Variants in PLCH2 observed in about 807,000 individuals in gnomAD.
PLCH2 encodes phospholipase C eta 2, also known as 1-phosphatidylinositol 4,5-bisphosphate phosphodiesterase eta-2.
In PLCH2, 98 loss-of-function variants were observed where a neutral mutation model predicts 134.7. That is an observed-to-expected ratio of 0.73 (90% CI 0.62 to 0.86). The LOEUF (loss-of-function observed/expected upper bound fraction) is 0.86, where lower values mean the gene tolerates loss of function less well. PLCH2 is among the 40% of genes least tolerant of loss of function. PLCH2 has a pLI of 0.00. For missense variants in PLCH2, 1,994 were observed against 1,986.6 expected (o/e 1.00, Z -0.07); for synonymous variants, 974 against 827.5 (o/e 1.18, Z -3.04).
At chr1:2,425,585 C>T (rs1638751737), upstream of PLCH2, among the ~76,000 whole-genome samples, 1 of 152,180 alleles carries the variant, frequency 6.6e-6, no homozygotes, top group Non-Finnish European at 1.5e-5. Context: ...ATGATCTTGG[C>T]TGACTGCAAT....
rs753599032 is a variant in PLCH2, at chr1:2,502,236, C to T, written c.2786C>T (p.Thr929Met). The part of the protein sequence containing the change: ...PSVSQRILRR[T>M]ASAPTKSQKP... ...GTTAGCCAGCGGATCCTGCGGCGCA[C>T]GGCCAGCGCCCCGACCAAGAGCCAG... The change falls in exon 21 of 22, where the codon ACG (threonine) becomes ATG (methionine). Residue 929 changes from threonine to methionine, a missense_variant. By Grantham distance (81) the Thr-to-Met change is moderately conservative. Coordinates refer to ENST00000378486, the MANE Select transcript of PLCH2 (RefSeq NM_014638.4). 2.6e-5 allele frequency: 40 copies of T among 1,541,172 alleles called. No individual in the cohort carries two copies. The highest frequency in any genetic ancestry group is 5.9e-5 in the Admixed American group (3 of 50,658).
chr1:2,496,687 A>G lies in PLCH2; in HGVS notation c.1916A>G (p.His639Arg). 1 of 1,611,854 alleles carries G rather than the reference A, an allele frequency of 6.2e-7. No homozygotes were observed. Residue 639 changes from histidine to arginine, a missense_variant, in exon 14 of 22, where the codon CAC becomes CGC. This residue lies in a region of PLCH2 where 1,094 missense variants were observed against 1,234.3 expected (regional missense o/e 0.89). Transcript: ENST00000378486. Reference sequence around the variant, plus strand: ...AAGTACACCAAGTCCGTGGCCACCCACGACATAGAGATGGAGGGTGAGTGG... The same window carrying G: ...AAGTACACCAAGTCCGTGGCCACCCGCGACATAGAGATGGAGGGTGAGTGG... ...LVKYTKSVAT[H>R]DIEMEAASSW...
intron 4 of PLCH2, 101 bp from the exon 5 acceptor site, chr1:2,484,347 G>A: frequency 2.6e-6 from 3 of 1,164,010 alleles, no homozygotes; most frequent in South Asian, 1.4e-5. Context: ...GGGTGGGCTT[G>A]CATGTTGGTC....
chr1:2,456,434 TA>T (rs1381932309), intron 2 of PLCH2, among the ~76,000 whole-genome samples: 1 of 152,180 alleles, frequency 6.6e-6, no homozygotes, highest in Admixed American at 6.5e-5. Context: ...CAAAAAGACT[TA>T]AATTGCCCCT....
chr1:2,423,854 TGAG>T (rs1334479020), upstream of PLCH2, among the ~76,000 whole-genome samples: 1 of 152,136 alleles, frequency 6.6e-6, no homozygotes, highest in Non-Finnish European at 1.5e-5. Context: ...GCAACAGTTA[TGAG>T]GAGAGGTCAG....
intron 1 of PLCH2, among the ~76,000 whole-genome samples, chr1:2,426,659 C>T (rs1166240385): frequency 6.6e-6 from 1 of 152,272 alleles, no homozygotes; most frequent in African/African-American, 2.4e-5. Context: ...CCACTCCCTC[C>T]ATGAAGCTGG....
intron 13 of PLCH2, among the ~76,000 whole-genome samples, chr1:2,496,297 C>G (rs893934277): frequency 6.6e-6 from 1 of 152,190 alleles, no homozygotes; most frequent in Non-Finnish European, 1.5e-5. Flanking sequence ...ACCCAGGCCC[C>G]GAGCCCAGCT....
At chr1:2,436,546 C>CCTTTCCT (rs1327311310) in intron 2 of PLCH2, among the ~76,000 whole-genome samples, 5 of 25,620 alleles carry the variant, frequency 2.0e-4, no homozygotes, top group Non-Finnish European at 2.5e-4. Context: ...CCTCCCTCCT[C>CCTTTCCT]CCTTCCTCCC....
In PLCH2 at chr1:2,505,348, T is replaced by C; in HGVS notation, c.*135T>C. On this transcript the variant is annotated 3_prime_UTR_variant, in exon 22 of 22. Transcript: ENST00000378486. ...GCCCTGTGTCCCCTCCACCCCTGCC[T>C]CCCTCCTGCCCCTGCTCCCGGGGAG... The C allele has an allele frequency of 1.5e-6, 1 of 647,820 alleles. No individual in the cohort carries two copies. Among genetic ancestry groups the C allele is most frequent in the Admixed American group, 3.2e-5 (1 of 31,242 alleles). The allele number at this position is 647,820 out of a possible 1,614,324, so 40.1% of individuals were successfully genotyped here. A position where few individuals can be genotyped will look rare whatever the true frequency, so the allele number is the denominator to read the frequency against.
At chr1:2,503,866 C>A (rs903743467) in intron 21 of PLCH2, 56 bp from the exon 22 acceptor site, 3 of 665,040 alleles carry the variant, frequency 4.5e-6, no homozygotes, top group Non-Finnish European at 8.3e-6. Flanking sequence ...CCCTGCCTCC[C>A]TCTCTCTCTT....
intron 19 of PLCH2, 108 bp from the exon 20 acceptor site, chr1:2,499,533 G>C (rs1643094720): frequency 1.2e-6 from 1 of 864,114 alleles, no homozygotes; most frequent in South Asian, 1.4e-5. Flanking sequence ...GCCTGGGCTT[G>C]TTGGGTGTAT....
At chr1:2,459,069 G>A (rs1326417996) in intron 2 of PLCH2, among the ~76,000 whole-genome samples, 2 of 152,256 alleles carry the variant, frequency 1.3e-5, no homozygotes, top group Non-Finnish European at 2.9e-5. Context: ...CCTGCTCCCC[G>A]GTGGCTGGGT....
rs375081434 is a variant in PLCH2, at chr1:2,497,018, C to T, written c.2116+8C>T. 212 of 1,610,518 alleles carry T rather than the reference C, an allele frequency of 1.3e-4. No homozygotes were observed. Among genetic ancestry groups the T allele is most frequent in the South Asian group, 2.1e-4 (19 of 90,748 alleles). On this transcript the variant is annotated splice_region_variant and intron_variant, in intron 15 of 21. Coordinates refer to ENST00000378486, the MANE Select transcript of PLCH2 (RefSeq NM_014638.4). ...ACGCCGGCTGCCAAATGGGTGGGTG[C>T]GGGCATGGTGCGCTGGGTGTGGTGG... is the stretch of plus-strand genomic sequence containing the variant.
Position 2,504,185 on chromosome 1 carries a change from C to T in PLCH2, c.3223C>T (p.Gln1075Ter). 1 of 1,543,150 alleles carries T rather than the reference C, an allele frequency of 6.5e-7. No individual in the cohort carries two copies. The highest frequency in any genetic ancestry group is 8.7e-7 in the Non-Finnish European group (1 of 1,145,518). ...GGCATACGAGAGGGCCCCCGGCAGC[C>T]AGACGGACGGCAGGAGCCAGCCCCG... ...GGAYERAPGS[Q>*]TDGRSQPRTL... The change falls in exon 22 of 22, where the codon CAG (glutamine) becomes TAG (stop). Residue 1075 changes from glutamine to a stop codon, truncating the protein, a stop_gained. Coordinates refer to ENST00000378486, the MANE Select transcript of PLCH2 (RefSeq NM_014638.4). LOFTEE classifies it high-confidence loss of function.
At position 2,504,479 on chromosome 1, in the gene PLCH2, G is replaced by C; in HGVS notation, c.3517G>C (p.Ala1173Pro). ...CCTGGGCCGCAGCCGTGAGAACCTC[G>C]CTGGAGCCCACATGGGACGCCTGCC... is the stretch of plus-strand genomic sequence containing the variant. ...LGLGRSRENL[A>P]GAHMGRLPPR... Residue 1173 changes from alanine (A) to proline (P), a missense_variant, in exon 22 of 22, where the codon GCT (alanine) becomes CCT (proline). Ala to Pro is a conservative substitution (Grantham distance 27, BLOSUM62 -1). This residue lies in a region of PLCH2 where 900 missense variants were observed against 752.3 expected (regional missense o/e 1.20). Coordinates refer to ENST00000378486, the MANE Select transcript of PLCH2 (RefSeq NM_014638.4). The C allele has an allele frequency of 6.2e-7, 1 of 1,612,368 alleles. No homozygotes were observed. The highest frequency in any genetic ancestry group is 1.1e-5 in the South Asian group (1 of 91,074).
intron 5 of PLCH2, 28 bp downstream of exon 5, chr1:2,484,646 G>T: frequency 6.2e-7 from 1 of 1,604,946 alleles, no homozygotes; most frequent in Non-Finnish European, 8.5e-7. Context: ...GGTGTTGGGG[G>T]GCCAGCCATC....
the PLCH2 span, among the ~76,000 whole-genome samples, chr1:2,419,206 C>T: frequency 6.6e-6 from 1 of 152,334 alleles, no homozygotes; most frequent in South Asian, 2.1e-4. Context: ...TCCCAGGCTG[C>T]CGGCCTGGTC....
intron 11 of PLCH2, among the ~76,000 whole-genome samples, chr1:2,491,713 G>A (rs1434419404): frequency 1.3e-5 from 2 of 152,260 alleles, no homozygotes; most frequent in African/African-American, 2.4e-5. Flanking sequence ...GACAGGCAGG[G>A]TGGGCCGGGT....
chr1:2,496,591 C>A lies in PLCH2; in HGVS notation c.1836-16C>A. 2 of 1,601,486 alleles carry A rather than the reference C, an allele frequency of 1.2e-6. No individual in the cohort carries two copies. The highest frequency in any genetic ancestry group is 2.3e-5 in the East Asian group (1 of 44,172). ...CCCTGGACGGGAGGGGTTCTGACCC[C>A]CTGCACCTGCCACAGGGCGACCCGG... On this transcript the variant is annotated splice_polypyrimidine_tract_variant and intron_variant, in intron 13 of 21. Coordinates refer to ENST00000378486, the MANE Select transcript of PLCH2 (RefSeq NM_014638.4).
Sources: allele counts gnomAD v4.1 joint callset (sites outside exome capture counted in the v4.1 genomes callset), GRCh38; gene constraint gnomAD v4.1.1; regional missense constraint gnomAD v4.1.1; transcripts MANE v1.5; gene names NCBI Gene and HGNC (gene_info 2026-07-23, HGNC 2026-07-21).